The following DLG3 variants were observed in gnomAD, a reference collection of about 807,000 sequenced individuals.
DLG3 encodes the protein discs large MAGUK scaffold protein 3, also known as disks large homolog 3.
In DLG3, 1 loss-of-function variant was observed where a neutral mutation model predicts 64.1. The ratio of observed to expected loss-of-function variants is 0.02; its 90% confidence interval spans 0.01 to 0.07. DLG3 has a LOEUF of 0.07. Ranked by LOEUF, DLG3 falls within the 10% of genes least tolerant of loss-of-function variation. The probability of loss-of-function intolerance (pLI) is 1.00; values close to 1 mark genes in which losing one functional copy is unlikely to be tolerated. For synonymous variants in DLG3, 245 were observed against 259.8 expected, an observed-to-expected ratio of 0.94 and a Z score of 0.55; for missense variants, 429 against 669.5, an observed-to-expected ratio of 0.64 and a Z score of 3.96.
chrX:70,472,096 C>T (rs1357004655), intron 9 of DLG3, among the ~76,000 whole-genome samples: 1 of 112,293 alleles, frequency 8.9e-6, no homozygotes, highest in Non-Finnish European at 1.9e-5. Context: ...ACTCTGCCAT[C>T]TACTCCCATT....
chrX:70,476,024 C>A (rs2087048911), intron 9 of DLG3, among the ~76,000 whole-genome samples: 1 of 111,720 alleles, frequency 9.0e-6, no homozygotes. Flanking sequence ...TGGGCCCCTG[C>A]TCAGTAGATT....
At chrX:70,495,531 G>A (rs953285119) in intron 13 of DLG3, 78 bp downstream of exon 13, 1 of 999,075 alleles carries the variant, frequency 1.0e-6, no homozygotes, top group Non-Finnish European at 1.4e-6. Flanking sequence ...TGGGGACATG[G>A]GTGAGGGTGA....
chrX:70,497,169 T>A (rs1291011128), intron 13 of DLG3: 1 of 1,208,776 alleles, frequency 8.3e-7, no homozygotes, highest in Non-Finnish European at 1.1e-6. Flanking sequence ...CTCTTTCTTG[T>A]TGGCTTGCAG....
At chrX:70,492,682 G>A in intron 12 of DLG3, 86 bp downstream of exon 12, 1 of 867,608 alleles carries the variant, frequency 1.2e-6, no homozygotes, top group Non-Finnish European at 1.7e-6. Flanking sequence ...GGAGAACTGG[G>A]GAACACAAAA....
Position 70,500,062 on chromosome X carries a change from G to A in DLG3, c.2145+13G>A. On this transcript the variant is annotated intron_variant, in intron 16 of 18. Coordinates refer to ENST00000374360, the MANE Select transcript of DLG3 (RefSeq NM_021120.4). The stretch of plus-strand genomic sequence containing the variant: ...AGTTGCAGAGAGGGTAAGTGTACAG[G>A]AGATGGCCTCAAAGGGGAGGCCAAT... 8.3e-7 allele frequency: 1 copy of A among 1,200,311 alleles called. No individual in the cohort carries two copies. The highest frequency in any genetic ancestry group is 1.1e-6 in the Non-Finnish European group (1 of 885,891).
intron 1 of DLG3, among the ~76,000 whole-genome samples, 166 bp downstream of exon 1, chrX:70,445,724 C>T (rs1055716189): frequency 1.9e-5 from 2 of 108,090 alleles, no homozygotes; most frequent in African/African-American, 6.8e-5. Context: ...GTGTGGTTCC[C>T]TGTGTGTGTC....
At chrX:70,455,224 G>C (rs1162201129) in intron 9 of DLG3, 2 of 753,052 alleles carry the variant, frequency 2.7e-6, no homozygotes, top group African/African-American at 4.6e-5. Context: ...CGGAGCTGGC[G>C]CTTTCTCAGC....
At chrX:70,501,615 G>C (rs2087565794) in intron 18 of DLG3, among the ~76,000 whole-genome samples, 1 of 111,379 alleles carries the variant, frequency 9.0e-6, no homozygotes, top group Non-Finnish European at 1.9e-5. Context: ...CACACACCTT[G>C]GGTCTTCAGA....
At chrX:70,502,128 C>G in intron 18 of DLG3, 35 bp from the exon 19 acceptor site, 1 of 1,061,524 alleles carries the variant, frequency 9.4e-7, no homozygotes. Flanking sequence ...GTGCTATGGA[C>G]CACAGTAATA....
chrX:70,480,381 T>G (rs2087131481), intron 10 of DLG3, among the ~76,000 whole-genome samples: 1 of 111,609 alleles, frequency 9.0e-6, no homozygotes, highest in Admixed American at 9.5e-5. Flanking sequence ...TCCCTGACTC[T>G]ACCGCAGGGA....
At chrX:70,475,815 A>G (rs982883614) in intron 9 of DLG3, among the ~76,000 whole-genome samples, 4 of 112,328 alleles carry the variant, frequency 3.6e-5, no homozygotes, top group Middle Eastern at 9.1e-3. Context: ...TTGCAGGCAC[A>G]TAAGACTGTG....
chrX:70,480,217 C>T (rs2087128524), intron 10 of DLG3, among the ~76,000 whole-genome samples: 1 of 112,329 alleles, frequency 8.9e-6, no homozygotes, highest in Non-Finnish European at 1.9e-5. Context: ...TTCTAGTGGC[C>T]TCTGATACCT....
chrX:70,453,389 G>C (rs2086647820), intron 7 of DLG3: 1 of 383,881 alleles, frequency 2.6e-6, no homozygotes, highest in Non-Finnish European at 4.5e-6. Context: ...CGAGAGAGTA[G>C]GGGACTGTCC....
chrX:70,493,326 G>GT (rs749847726), intron 12 of DLG3: 59,415 of 674,527 alleles, frequency 0.088, no homozygotes, highest in Non-Finnish European at 0.095. Context: ...CCATTGTTCT[G>GT]TTTTTTTTTT....
At chrX:70,463,315 T>C (rs2086835316) in intron 9 of DLG3, among the ~76,000 whole-genome samples, 1 of 109,769 alleles carries the variant, frequency 9.1e-6, no homozygotes, top group African/African-American at 3.3e-5. Context: ...GCCCAGCAAA[T>C]TTTTTATATC....
Position 70,445,174 on chromosome X carries a change from G to T in DLG3, c.-28G>T, listed in dbSNP as rs904017241. Reference sequence around the variant, plus strand: ...GCGGCGTGGAATCCGGCGTGGGCTGGGGGGTCCGAGCCGCGGGGGGCAGTG... The same window carrying T: ...GCGGCGTGGAATCCGGCGTGGGCTGTGGGGTCCGAGCCGCGGGGGGCAGTG... On this transcript the variant is annotated 5_prime_UTR_variant, in exon 1 of 19. Coordinates refer to ENST00000374360, the MANE Select transcript of DLG3 (RefSeq NM_021120.4). 7.2e-6 allele frequency: 8 copies of T among 1,110,057 alleles called. No homozygotes were observed. Among genetic ancestry groups the T allele is most frequent in the Admixed American group, 2.6e-5 (1 of 38,479 alleles). The allele number at this position is 1,110,057 out of a possible 1,213,427, so 91.5% of individuals were successfully genotyped here. A position where few individuals can be genotyped will look rare whatever the true frequency, so the allele number is the denominator to read the frequency against.
chrX:70,497,646 A>T (rs1210607585), intron 13 of DLG3, among the ~76,000 whole-genome samples: 4 of 111,900 alleles, frequency 3.6e-5, no homozygotes, highest in Non-Finnish European at 7.5e-5. Context: ...CAGTTAAAGG[A>T]TGAGGTAATT....
chrX:70,471,039 T>G (rs1469281934), intron 9 of DLG3, among the ~76,000 whole-genome samples: 2 of 111,010 alleles, frequency 1.8e-5, no homozygotes, highest in African/African-American at 6.6e-5. Context: ...TTTTTTACAT[T>G]TGTTCCTGAG....
Position 70,503,466 on chromosome X carries a change from G to C in DLG3, c.*1197G>C, listed in dbSNP as rs915152395. Reference sequence around the variant, plus strand: ...AGGGGCTGGGCTGAGAGGAGGACACGGAGGGCTCTGCTGAGGTTCCTTCCT... The same window carrying C: ...AGGGGCTGGGCTGAGAGGAGGACACCGAGGGCTCTGCTGAGGTTCCTTCCT... On this transcript the variant is annotated 3_prime_UTR_variant, in exon 19 of 19. Transcript: ENST00000374360. 4 of 112,081 alleles carry C rather than the reference G, an allele frequency of 3.6e-5. No homozygotes were observed. Among genetic ancestry groups the C allele is most frequent in the Admixed American group, 1.9e-4 (2 of 10,541 alleles). The allele number at this position is 112,081 out of a possible 1,213,427, so 9.2% of individuals were successfully genotyped here. A position where few individuals can be genotyped will look rare whatever the true frequency, so the allele number is the denominator to read the frequency against.
Sources: allele counts gnomAD v4.1 joint callset (sites outside exome capture counted in the v4.1 genomes callset), GRCh38; gene constraint gnomAD v4.1.1; transcripts MANE v1.5; gene names NCBI Gene and HGNC (gene_info 2026-07-23, HGNC 2026-07-21).